The following ADGRB3 variants were observed in gnomAD, a reference collection of about 807,000 sequenced individuals.
ADGRB3 encodes the protein brain-specific angiogenesis inhibitor 3.
A neutral mutation model predicts 193.4 loss-of-function variants in ADGRB3; 37 were observed. That is an observed-to-expected ratio of 0.19 (90% CI 0.15 to 0.25). The LOEUF is 0.25. Ranked by LOEUF, ADGRB3 falls within the 10% of genes least tolerant of loss-of-function variation. The probability of loss-of-function intolerance (pLI) is 1.00; values close to 1 mark genes in which losing one functional copy is unlikely to be tolerated. For synonymous variants in ADGRB3, 690 were observed against 644.2 expected (o/e 1.07, Z -1.08); for missense variants, 1,637 against 1,852.9 (o/e 0.88, Z 2.14).
At position 69,361,430 on chromosome 6, in the gene ADGRB3, A is replaced by G; in HGVS notation, c.4157A>G (p.Asn1386Ser). 6.2e-7 allele frequency: 1 copy of G among 1,612,970 alleles called. No individual in the cohort carries two copies. Among genetic ancestry groups the G allele is most frequent in the Non-Finnish European group, 8.5e-7 (1 of 1,179,212 alleles). Reference sequence around the variant, plus strand: ...TTTGAACCTCGCACAGCTGTGAAGAATTTCATGGCCTCTGAGTTGGATGAT... The same window carrying G: ...TTTGAACCTCGCACAGCTGTGAAGAGTTTCATGGCCTCTGAGTTGGATGAT... ...LPFEPRTAVK[N>S]FMASELDDNA... Residue 1386 changes from asparagine to serine, a missense_variant, in exon 29 of 32, where the codon AAT becomes AGT. Asn to Ser is a conservative substitution (Grantham distance 46). Around this residue, in one of 7 missense-constraint regions of ADGRB3, gnomAD observed 368 missense variants for 367.4 expected, o/e 1.00. Coordinates refer to ENST00000370598, the MANE Select transcript of ADGRB3 (RefSeq NM_001704.3).
chr6:69,094,973 C>A (rs1772832075), intron 17 of ADGRB3, among the ~76,000 whole-genome samples: 1 of 152,144 alleles, frequency 6.6e-6, no homozygotes, highest in Admixed American at 6.5e-5. Flanking sequence ...GTGAAGAGAA[C>A]AAAAGATATG....
At chr6:68,651,816 T>C (rs1184546660) in intron 3 of ADGRB3, among the ~76,000 whole-genome samples, 1 of 152,100 alleles carries the variant, frequency 6.6e-6, no homozygotes, top group African/African-American at 2.4e-5. Flanking sequence ...GAGAGGCAAC[T>C]CCTCTTGAAA....
chr6:68,913,402 T>C (rs552999902), intron 3 of ADGRB3, among the ~76,000 whole-genome samples: 60 of 152,140 alleles, frequency 3.9e-4, no homozygotes, highest in African/African-American at 1.4e-3. Context: ...TCCGCTGTTC[T>C]GCAGCCACCG....
intron 3 of ADGRB3, among the ~76,000 whole-genome samples, chr6:68,849,122 C>T (rs1464424149): frequency 2.0e-5 from 3 of 151,798 alleles, no homozygotes; most frequent in Admixed American, 2.0e-4. Context: ...ATAATATTTG[C>T]CTTAATCGCT....
At chr6:68,860,655 C>A (rs556261780) in intron 3 of ADGRB3, among the ~76,000 whole-genome samples, 1 of 152,214 alleles carries the variant, frequency 6.6e-6, no homozygotes, top group South Asian at 2.1e-4. Context: ...CTGATAGACA[C>A]TTAGGTTGAT....
rs576896041 is a variant in ADGRB3 at position 68,657,090 on chromosome 6, T to G, written c.757+17658T>G. Among the ~76,000 whole-genome samples, 128 of 151,512 alleles carry G rather than the reference T, an allele frequency of 8.4e-4. 1 individual carries two copies. Among genetic ancestry groups the G allele is most frequent in the African/African-American group, 3.0e-3 (125 of 41,494 alleles). On this transcript the variant is annotated intron_variant, in intron 3 of 31. Transcript: ENST00000370598. ...AGATGAAGATCAGAAATATAATGAG[T>G]TGCTTTATAATAGGCTTCCACTCTT... is the stretch of plus-strand genomic sequence containing the variant.
chr6:68,736,263 C>G (rs1345708028), intron 3 of ADGRB3, among the ~76,000 whole-genome samples: 1 of 152,154 alleles, frequency 6.6e-6, no homozygotes, highest in African/African-American at 2.4e-5. Context: ...AAGCTATCCA[C>G]CCGGCTCAGC....
At chr6:68,794,761 A>T (rs1264499032) in intron 3 of ADGRB3, among the ~76,000 whole-genome samples, 2 of 152,090 alleles carry the variant, frequency 1.3e-5, no homozygotes, top group Admixed American at 1.3e-4. Context: ...AGAGATTGGT[A>T]TGCAGAAAGG....
At chr6:68,910,870 G>T (rs1766684305) in intron 3 of ADGRB3, among the ~76,000 whole-genome samples, 1 of 152,246 alleles carries the variant, frequency 6.6e-6, no homozygotes, top group African/African-American at 2.4e-5. Flanking sequence ...TTTGGCTTAG[G>T]ATTGACTTGG....
At chr6:69,368,168 A>G (rs555383308) in intron 29 of ADGRB3, among the ~76,000 whole-genome samples, 2 of 152,252 alleles carry the variant, frequency 1.3e-5, no homozygotes, top group African/African-American at 2.4e-5. Context: ...GATTGTCACA[A>G]TGATTTTTCC....
In ADGRB3 at chr6:69,092,232, C is replaced by T. The variant is rs77053475; in HGVS notation, c.2480+16194C>T. On this transcript the variant is annotated intron_variant, in intron 17 of 31. Transcript: ENST00000370598. The stretch of plus-strand genomic sequence containing the variant: ...CTGTCCTATTCTCTTTACCCTTCTT[C>T]AAGGTCAATGTCTTGCCTAAAGGAG... Among the ~76,000 whole-genome samples, 312 of 152,316 alleles carry T rather than the reference C, an allele frequency of 2.0e-3. 4 individuals are homozygous for T. The highest frequency in any genetic ancestry group is 5.4e-3 in the Admixed American group (82 of 15,298).
At chr6:69,168,546 A>G (rs1775188902) in intron 17 of ADGRB3, among the ~76,000 whole-genome samples, 1 of 152,084 alleles carries the variant, frequency 6.6e-6, no homozygotes, top group Non-Finnish European at 1.5e-5. Flanking sequence ...CACCCCACAT[A>G]ATTTGCAGTA....
chr6:69,385,993 T>C (rs915365635), intron 31 of ADGRB3, among the ~76,000 whole-genome samples: 1 of 152,044 alleles, frequency 6.6e-6, no homozygotes, highest in Admixed American at 6.6e-5. Flanking sequence ...TTTTTACCAC[T>C]AAAGAAGCCT....
intron 17 of ADGRB3, among the ~76,000 whole-genome samples, chr6:69,201,706 G>A (rs1765420705): frequency 6.6e-6 from 1 of 152,050 alleles, no homozygotes; most frequent in Non-Finnish European, 1.5e-5. Flanking sequence ...GGGTCTCAAT[G>A]TTATTAGGTC....
At chr6:69,117,034 T>A (rs1283914087) in intron 17 of ADGRB3, among the ~76,000 whole-genome samples, 2 of 152,218 alleles carry the variant, frequency 1.3e-5, no homozygotes, top group Non-Finnish European at 2.9e-5. Flanking sequence ...TATTATTTTT[T>A]GTCTTATTAC....
chr6:69,175,130 G>C (rs915178651), intron 17 of ADGRB3, among the ~76,000 whole-genome samples: 6 of 152,074 alleles, frequency 3.9e-5, no homozygotes, highest in Middle Eastern at 3.4e-3. Flanking sequence ...TCACTTGTCA[G>C]TTTTTGGGTT....
intron 26 of ADGRB3, among the ~76,000 whole-genome samples, chr6:69,340,718 A>C (rs1477389155): frequency 2.0e-5 from 3 of 152,114 alleles, no homozygotes; most frequent in Admixed American, 6.6e-5. Context: ...TGCACCCATC[A>C]ACCTGTCATC....
At chr6:69,126,445 C>T (rs1178660833) in intron 17 of ADGRB3, among the ~76,000 whole-genome samples, 1 of 152,164 alleles carries the variant, frequency 6.6e-6, no homozygotes, top group Non-Finnish European at 1.5e-5. Context: ...CTGTCGTTCT[C>T]AGGCCAAAGG....
At chr6:69,151,747 T>C (rs887369779) in intron 17 of ADGRB3, among the ~76,000 whole-genome samples, 2 of 152,184 alleles carry the variant, frequency 1.3e-5, no homozygotes, top group African/African-American at 4.8e-5. Flanking sequence ...GTTTATATTA[T>C]ACAGAAAGAC....
Sources: gnomAD v4.1 joint callset for allele counts (sites outside exome capture counted in the v4.1 genomes callset) on GRCh38, gnomAD v4.1.1 for gene constraint, gnomAD v4.1.1 regional missense constraint, MANE v1.5 for transcripts, NCBI Gene and HGNC (gene_info 2026-07-23, HGNC 2026-07-21) for gene names.